IFT140: variants seen among roughly 807,000 people sequenced by gnomAD.
IFT140 encodes intraflagellar transport protein 140 homolog.
IFT140 carries 133 observed loss-of-function variants against 164.6 expected under a neutral mutation model. The ratio of observed to expected loss-of-function variants is 0.81; its 90% CI spans 0.70 to 0.93. The LOEUF (loss-of-function observed/expected upper bound fraction) is 0.93. IFT140 is among the 40% of genes least tolerant of loss of function. The pLI, the probability that IFT140 is intolerant of heterozygous loss-of-function variation, is 0.00. For missense variants in IFT140, 2,045 were observed against 1,972.3 expected (o/e 1.04, Z -0.70); for synonymous variants, 860 against 817.3 (o/e 1.05, Z -0.89).
intron 19 of IFT140, among the ~76,000 whole-genome samples, chr16:1,539,862 G>A (rs979437099): frequency 3.3e-5 from 5 of 152,162 alleles, no homozygotes; most frequent in African/African-American, 1.2e-4. Flanking sequence ...GCAGCCCGGG[G>A]ACCCCGTGCC....
At chr16:1,534,082 A>G in intron 19 of IFT140, 1 of 630,634 alleles carries the variant, frequency 1.6e-6, no homozygotes, top group Non-Finnish European at 2.6e-6. Context: ...GCCCTGCTCC[A>G]GGTGCAGGAA....
intron 14 of IFT140, among the ~76,000 whole-genome samples, chr16:1,570,984 T>C (rs2033983997): frequency 6.6e-6 from 1 of 152,202 alleles, no homozygotes; most frequent in African/African-American, 2.4e-5. Flanking sequence ...CTCAAACTCC[T>C]GGGCTCAAGC....
chr16:1,562,253 G>T, intron 17 of IFT140, 137 bp from the exon 18 acceptor site: 1 of 657,198 alleles, frequency 1.5e-6, no homozygotes, highest in Non-Finnish European at 2.3e-6. Flanking sequence ...GGGGTCGGGT[G>T]CTTTGCTTTG....
chr16:1,527,080 C>T (rs529802007), intron 19 of IFT140: 33 of 459,102 alleles, frequency 7.2e-5, no homozygotes, highest in African/African-American at 6.3e-4. Flanking sequence ...CTCCTTTTTC[C>T]CTGCTCTAAG....
chr16:1,579,351 T>A (rs2034436136), intron 13 of IFT140: 1 of 151,992 alleles, frequency 6.6e-6, no homozygotes, highest in Admixed American at 6.6e-5. Flanking sequence ...CCCCTGCAGT[T>A]CAGACCTTGT....
chr16:1,592,809 C>T (rs2035255751), intron 4 of IFT140, among the ~76,000 whole-genome samples: 1 of 146,082 alleles, frequency 6.8e-6, no homozygotes, highest in African/African-American at 2.6e-5. Context: ...GTGCCCAGCA[C>T]TGACCTCCCC....
Position 1,568,331 on chromosome 16 carries a change from C to T in IFT140, c.1656G>A (p.Glu552=), listed in dbSNP as rs1188167246. The change falls in exon 15 of 31, where the codon GAG becomes GAA. Residue 552 remains glutamate, a synonymous_variant. Transcript: ENST00000426508. ...TCCTGCAGCTACAGTGTGCTTTGGC[C>T]TCTCTGCAGGGAGGAAGAGGGACCT... ...HFKSFDLSRR[E]AKAHCSCRSL... 3 of 1,613,310 alleles carry T rather than the reference C, an allele frequency of 1.9e-6. No homozygotes were observed. The highest frequency in any genetic ancestry group is 4.5e-5 in the East Asian group (2 of 44,884).
intron 19 of IFT140, among the ~76,000 whole-genome samples, chr16:1,552,578 C>T (rs910260013): frequency 5.9e-5 from 9 of 151,954 alleles, no homozygotes; most frequent in African/African-American, 2.2e-4. Context: ...CAATCGTGAG[C>T]AGAGGGCACA....
Position 1,520,794 on chromosome 16 carries a change from C to T in IFT140, c.3468G>A (p.Leu1156=). The T allele has an allele frequency of 6.2e-7, 1 of 1,604,138 alleles. No homozygotes were observed. The highest frequency in any genetic ancestry group is 8.5e-7 in the Non-Finnish European group (1 of 1,179,898). The change falls in exon 27 of 31, where the codon CTG becomes CTA. Residue 1156 remains leucine, a synonymous_variant. Transcript: ENST00000426508. Reference sequence around the variant, plus strand: ...TCATGTTCTGCCCCAGGCACAGCTGCAGGGCTTCCTGATACTGCAAAGGTG... The same window carrying T: ...TCATGTTCTGCCCCAGGCACAGCTGTAGGGCTTCCTGATACTGCAAAGGTG... The part of the protein sequence containing the change: ...LLAARKYQEA[L]QLCLGQNMSI...
chr16:1,515,310 T>G (rs1457165152), intron 30 of IFT140, among the ~76,000 whole-genome samples: 9 of 152,174 alleles, frequency 5.9e-5, no homozygotes, highest in African/African-American at 2.2e-4. Context: ...ACACATGACA[T>G]GTAAGGGCCC....
intron 19 of IFT140, chr16:1,557,672 G>T (rs1484314462): frequency 2.0e-6 from 1 of 488,936 alleles, no homozygotes; most frequent in Admixed American, 3.4e-5. Flanking sequence ...GGGTATTATA[G>T]ATGTTTAGGA....
At position 1,520,112 on chromosome 16, in the gene IFT140, T is replaced by C. The variant is rs894285113; in HGVS notation, c.3873+19A>G. On this transcript the variant is annotated intron_variant, in intron 28 of 30. Coordinates refer to ENST00000426508, the MANE Select transcript of IFT140 (RefSeq NM_014714.4). Reference sequence around the variant, plus strand: ...AGCCCTCCCCGGGGCCCCGCTGGCATGCCAGGGAGGGCCTGCACCTGGGCA... The same window carrying C: ...AGCCCTCCCCGGGGCCCCGCTGGCACGCCAGGGAGGGCCTGCACCTGGGCA... The C allele has an allele frequency of 1.4e-5, 22 of 1,612,114 alleles. No homozygotes were observed. The highest frequency in any genetic ancestry group is 1.8e-5 in the Non-Finnish European group (21 of 1,178,494).
At chr16:1,525,767 CCT>C (rs1279920141) in intron 21 of IFT140, 118 bp downstream of exon 21, 3 of 1,071,418 alleles carry the variant, frequency 2.8e-6, no homozygotes, top group Non-Finnish European at 3.9e-6. Flanking sequence ...CTGCCACCAC[CCT>C]GAGACAGACG....
At chr16:1,526,486 T>A in intron 20 of IFT140, 133 bp downstream of exon 20, 1 of 1,016,528 alleles carries the variant, frequency 9.8e-7, no homozygotes, top group Non-Finnish European at 1.4e-6. Context: ...CCAGCTCTCC[T>A]GGGTCATGCC....
intron 19 of IFT140, chr16:1,554,757 C>A (rs751445141): frequency 6.2e-7 from 1 of 1,612,018 alleles, no homozygotes; most frequent in Non-Finnish European, 8.5e-7. Context: ...CAGACAAGGC[C>A]TCTCAACCCT....
In IFT140 at chr16:1,524,738, T is replaced by G. The variant is rs372676892; in HGVS notation, c.2998-43A>C. On this transcript the variant is annotated intron_variant, in intron 23 of 30. Transcript: ENST00000426508. ...CCAAAGACGAGACACGGTGGCCTTG[T>G]GTCTGCCTCGTGTCCGCCTGGCCGG... The G allele has an allele frequency of 2.5e-6, 4 of 1,584,798 alleles. No individual in the cohort carries two copies. In the African/African-American group the frequency reaches 5.4e-5, roughly 21 times the overall value.
At chr16:1,569,176 T>C (rs112785114) in intron 14 of IFT140, among the ~76,000 whole-genome samples, 2 of 152,106 alleles carry the variant, frequency 1.3e-5, no homozygotes, top group African/African-American at 4.8e-5. Flanking sequence ...GGCTAATTTA[T>C]TTTTGTATTT....
At chr16:1,596,219 C>T (rs996832948) in intron 4 of IFT140, among the ~76,000 whole-genome samples, 1 of 151,610 alleles carries the variant, frequency 6.6e-6, no homozygotes, top group Non-Finnish European at 1.5e-5. Flanking sequence ...CAGCCTCCTC[C>T]CTGGAGCCGA....
At chr16:1,556,981 T>C (rs1213961074) in intron 19 of IFT140, among the ~76,000 whole-genome samples, 1 of 152,038 alleles carries the variant, frequency 6.6e-6, no homozygotes, top group East Asian at 1.9e-4. Flanking sequence ...TGGCTAGTTT[T>C]TGTATTTTTA....
Sources: allele counts gnomAD v4.1 joint callset (sites outside exome capture counted in the v4.1 genomes callset), GRCh38; gene constraint gnomAD v4.1.1; transcripts MANE v1.5; gene names NCBI Gene and HGNC (gene_info 2026-07-23, HGNC 2026-07-21).